PSKH2: variants seen among roughly 807,000 people sequenced by gnomAD.
PSKH2 encodes protein serine kinase H2, also known as serine/threonine-protein kinase H2.
A neutral mutation model predicts 22.5 loss-of-function variants in PSKH2; 16 were observed. That is an observed-to-expected ratio of 0.71 (90% CI 0.48 to 1.08). The LOEUF (loss-of-function observed/expected upper bound fraction) is 1.08, where lower values mean the gene tolerates loss of function less well. Among genes scored for constraint, PSKH2 ranks in the 50% least tolerant of loss-of-function variants. The probability of loss-of-function intolerance (pLI) is 0.00; values close to 1 mark genes in which losing one functional copy is unlikely to be tolerated. For missense variants in PSKH2, 516 were observed against 492.8 expected, an observed-to-expected ratio of 1.05 and a Z score of -0.44; for synonymous variants, 188 against 184.8, an observed-to-expected ratio of 1.02 and a Z score of -0.14.
chr8:86,068,943 T>G (rs1476524870), intron 1 of PSKH2, among the ~76,000 whole-genome samples: 3 of 152,150 alleles, frequency 2.0e-5, no homozygotes, highest in Non-Finnish European at 4.4e-5. Context: ...AAAGAGAAAT[T>G]GTACTGGGCA....
chr8:86,064,749 TTTA>T (rs1455414365), intron 1 of PSKH2, 118 bp from the exon 2 acceptor site: 8 of 830,414 alleles, frequency 9.6e-6, no homozygotes, highest in Non-Finnish European at 1.3e-5. Context: ...GATTTATTTG[TTTA>T]TTATTACTTG....
At position 86,047,894 on chromosome 8, in the gene PSKH2, T is replaced by G. The variant is rs1468295536; in HGVS notation, c.*568A>C. 6.6e-6 allele frequency among the ~76,000 whole-genome samples: 1 copy of G among 152,144 alleles called. No homozygotes were observed. Among genetic ancestry groups the G allele is most frequent in the Admixed American group, 6.5e-5 (1 of 15,284 alleles). ...AAATCTCTATTTTTCCCGTGAATAA[T>G]GCCCCAATTAGACTAAAAGTTTCTG... On this transcript the variant is annotated 3_prime_UTR_variant, in exon 3 of 3. Coordinates refer to ENST00000276616, the MANE Select transcript of PSKH2 (RefSeq NM_033126.3).
rs1416571205 is a variant in PSKH2, at chr8:86,048,769, T to C, written c.853-2A>G. On this transcript the variant is annotated splice_acceptor_variant, in intron 2 of 2. Transcript: ENST00000276616. LOFTEE classifies it high-confidence loss of function. The stretch of plus-strand genomic sequence containing the variant: ...CAAGTGGGAAATGCTTGGCCAAGGC[T>C]GAGAATAAAAATAAATAAGTTAGAA... The C allele has an allele frequency of 5.0e-6, 8 of 1,593,402 alleles. No homozygotes were observed. The highest frequency in any genetic ancestry group is 5.1e-6 in the Non-Finnish European group (6 of 1,168,728).
intron 2 of PSKH2, among the ~76,000 whole-genome samples, chr8:86,055,980 CTG>C (rs55968832): frequency 0.47 from 70,880 of 149,802 alleles, 16,829 homozygotes; most frequent in African/African-American, 0.5. Flanking sequence ...ATGTGTGTGT[CTG>C]TGTGTGTGTG....
At chr8:86,067,874 G>A (rs1344145359) in intron 1 of PSKH2, among the ~76,000 whole-genome samples, 1 of 152,094 alleles carries the variant, frequency 6.6e-6, no homozygotes, top group African/African-American at 2.4e-5. Flanking sequence ...TAACCTTTGG[G>A]GACACAACTA....
At chr8:86,049,750 C>CGAAA (rs141430833) in intron 2 of PSKH2, among the ~76,000 whole-genome samples, 2,048 of 66,988 alleles carry the variant, frequency 0.031, 191 homozygotes, top group Admixed American at 0.071. Context: ...AAGAAAGAAA[C>CGAAA]GAAAGAAAGA....
chr8:86,058,860 T>C (rs984867234), intron 2 of PSKH2, among the ~76,000 whole-genome samples: 4 of 152,210 alleles, frequency 2.6e-5, no homozygotes, highest in Non-Finnish European at 5.9e-5. Context: ...TTTAGTATTA[T>C]ATTAAACACC....
At chr8:86,054,606 T>C (rs1006799118) in intron 2 of PSKH2, among the ~76,000 whole-genome samples, 2 of 152,198 alleles carry the variant, frequency 1.3e-5, no homozygotes, top group Non-Finnish European at 2.9e-5. Flanking sequence ...TTAAATGCTT[T>C]ATCTTGACAA....
intron 2 of PSKH2, among the ~76,000 whole-genome samples, chr8:86,062,810 C>A (rs2130165101): frequency 6.6e-6 from 1 of 152,308 alleles, no homozygotes. Flanking sequence ...TATTTTCAAA[C>A]TACTTTCCAA....
chr8:86,059,851 T>C (rs1817752880), intron 2 of PSKH2, among the ~76,000 whole-genome samples: 1 of 152,230 alleles, frequency 6.6e-6, no homozygotes, highest in Non-Finnish European at 1.5e-5. Context: ...TGGCATATTT[T>C]GAGATGGCTC....
intron 2 of PSKH2, among the ~76,000 whole-genome samples, chr8:86,049,689 A>G (rs1170472544): frequency 7.0e-5 from 1 of 14,226 alleles, no homozygotes; most frequent in African/African-American, 2.4e-4. Context: ...AAAGAAAGAA[A>G]GAAAGAAAGA....
At chr8:86,066,213 T>C (rs898551418) in intron 1 of PSKH2, among the ~76,000 whole-genome samples, 1 of 151,122 alleles carries the variant, frequency 6.6e-6, no homozygotes, top group East Asian at 1.9e-4. Context: ...TTTTTTTTTT[T>C]TTTTGAGATG....
intron 2 of PSKH2, 99 bp from the exon 3 acceptor site, chr8:86,048,866 C>T (rs1301479027): frequency 5.4e-6 from 6 of 1,113,384 alleles, no homozygotes; most frequent in Admixed American, 5.8e-5. Flanking sequence ...CAATGCCAAT[C>T]GAATCCAAAA....
At chr8:86,063,309 G>A (rs1817804358) in intron 2 of PSKH2, among the ~76,000 whole-genome samples, 1 of 152,168 alleles carries the variant, frequency 6.6e-6, no homozygotes, top group Non-Finnish European at 1.5e-5. Flanking sequence ...CTCATCTGCT[G>A]TACATGAAAT....
chr8:86,063,738 G>T (rs1235892478), intron 2 of PSKH2, among the ~76,000 whole-genome samples: 1 of 152,188 alleles, frequency 6.6e-6, no homozygotes, highest in East Asian at 1.9e-4. Flanking sequence ...AGTCAGGGGC[G>T]ATTTTGCCCC....
At chr8:86,060,872 C>T (rs541071260) in intron 2 of PSKH2, among the ~76,000 whole-genome samples, 1 of 152,304 alleles carries the variant, frequency 6.6e-6, no homozygotes, top group East Asian at 1.9e-4. Context: ...GCACCTCCCA[C>T]CATGGAGATG....
At chr8:86,065,626 T>C (rs2130170600) in intron 1 of PSKH2, among the ~76,000 whole-genome samples, 1 of 152,310 alleles carries the variant, frequency 6.6e-6, no homozygotes, top group African/African-American at 2.4e-5. Context: ...TCAGCTCAGA[T>C]TTCAAATGCT....
intron 2 of PSKH2, among the ~76,000 whole-genome samples, chr8:86,056,258 A>C (rs1450238918): frequency 1.3e-5 from 2 of 152,098 alleles, no homozygotes; most frequent in Non-Finnish European, 2.9e-5. Context: ...ACGCCACTGC[A>C]CTCTAGCCTC....
chr8:86,064,630 A>T lies in PSKH2; in HGVS notation c.187T>A (p.Tyr63Asn). The T allele has an allele frequency of 6.2e-7, 1 of 1,605,132 alleles. No individual in the cohort carries two copies. The highest frequency in any genetic ancestry group is 1.1e-5 in the South Asian group (1 of 90,664). ...AKFDPRVLARYDIKALIGTGS... is the reference protein window; with the variant it reads ...AKFDPRVLARNDIKALIGTGS... The stretch of plus-strand genomic sequence containing the variant: ...GTCCCAATAAGAGCTTTGATGTCAT[A>T]TCTGTTGGGAAGAAAAACCAAACAT... Residue 63 changes from tyrosine to asparagine, a missense_variant and splice_region_variant, in exon 2 of 3, where the codon TAT becomes AAT. Physicochemically the swap from Tyr to Asn is moderately radical, Grantham distance 143 (BLOSUM62 -2). Transcript: ENST00000276616.
Sources: gnomAD v4.1 joint callset for allele counts (sites outside exome capture counted in the v4.1 genomes callset) on GRCh38, gnomAD v4.1.1 for gene constraint, MANE v1.5 for transcripts, NCBI Gene and HGNC (gene_info 2026-07-23, HGNC 2026-07-21) for gene names.